Variants in USP17L7 observed in about 807,000 individuals in gnomAD.
USP17L7 encodes the protein inactive ubiquitin carboxyl-terminal hydrolase 17-like protein 7.
A neutral mutation model predicts 37.6 loss-of-function variants in USP17L7; 53 were observed. That is an observed-to-expected ratio of 1.41 (90% CI 1.13 to 1.77). The LOEUF (loss-of-function observed/expected upper bound fraction) is 1.77, where lower values mean the gene tolerates loss of function less well. Among genes scored for constraint, USP17L7 ranks in the 40% most tolerant of loss-of-function variants. USP17L7 has a pLI of 0.00. For missense variants in USP17L7, 914 were observed against 645.0 expected, an observed-to-expected ratio of 1.42 and a Z score of -4.52; for synonymous variants, 330 against 251.0, an observed-to-expected ratio of 1.31 and a Z score of -2.98.
At position 12,132,745 on chromosome 8, in the gene USP17L7, T is replaced by G. The variant is rs1345625910; in HGVS notation, c.1265A>C (p.Glu422Ala). The G allele has an allele frequency of 3.9e-6, 6 of 1,533,192 alleles. No homozygotes were observed. Among genetic ancestry groups the G allele is most frequent in the Middle Eastern group, 1.9e-4 (1 of 5,364 alleles). 95.0% of individuals were successfully genotyped at this position (1,533,192 alleles called of 1,614,324 possible). A position where few individuals can be genotyped will look rare whatever the true frequency, so the allele number is the denominator to read the frequency against. Residue 422 changes from glutamate (E) to alanine (A), a missense_variant, in exon 1 of 1, where the codon GAG becomes GCG. By Grantham distance (107) the Glu-to-Ala change is moderately radical (BLOSUM62 -1). Coordinates refer to ENST00000530447, the MANE Select transcript of USP17L7 (RefSeq NM_001256869.2). Reference protein sequence around the residue: ...HPCLQVPELDEHLVERATQES... With the variant: ...HPCLQVPELDAHLVERATQES... Reference sequence around the variant, plus strand: ...CTGAGTGGCTCTTTCCACCAAGTGCTCGTCCAACTCGGGTACCTGGAGGCA... The same window carrying G: ...CTGAGTGGCTCTTTCCACCAAGTGCGCGTCCAACTCGGGTACCTGGAGGCA...
In USP17L7 at chr8:12,133,881, G is replaced by T; in HGVS notation, c.129C>A (p.Leu43=). 7 of 1,508,134 alleles carry T rather than the reference G, an allele frequency of 4.6e-6. 1 individual carries two copies. The highest frequency in any genetic ancestry group is 6.3e-6 in the Non-Finnish European group (7 of 1,108,242). The allele number at this position is 1,508,134 out of a possible 1,614,324, so 93.4% of individuals were successfully genotyped here. A position where few individuals can be genotyped will look rare whatever the true frequency, so the allele number is the denominator to read the frequency against. ...AGAGGTCGAAACGGGTCTCAGATGA[G>T]AGTGGTGACTTTTCAGAGAGAGAAG... ...QRTSLSEKSP[L]SSETRFDLCD... The change falls in exon 1 of 1, where the codon CTC becomes CTA. Residue 43 remains leucine (L), a synonymous_variant. Coordinates refer to ENST00000530447, the MANE Select transcript of USP17L7 (RefSeq NM_001256869.2).
rs772141293 is a variant in USP17L7 at position 12,134,029 on chromosome 8, A to C, written c.-20T>G. On this transcript the variant is annotated 5_prime_UTR_variant, in exon 1 of 1. Coordinates refer to ENST00000530447, the MANE Select transcript of USP17L7 (RefSeq NM_001256869.2). ...TTCCATGTCGCCCGCAACAAGGATC[A>C]CAAGGTTTTTCTGCTGGGACCGCAG... 2.2e-5 allele frequency: 21 copies of C among 948,426 alleles called. No individual in the cohort carries two copies. Among genetic ancestry groups the C allele is most frequent in the Admixed American group, 1.2e-4 (7 of 56,616 alleles). The allele number at this position is 948,426 out of a possible 1,614,324, so 58.8% of individuals were successfully genotyped here.
rs746824423 is a variant in USP17L7 at position 12,134,032 on chromosome 8, A to G, written c.-23T>C. 2 of 934,638 alleles carry G rather than the reference A, an allele frequency of 2.1e-6. No individual in the cohort carries two copies. The highest frequency in any genetic ancestry group is 3.4e-6 in the Non-Finnish European group (2 of 589,694). 57.9% of individuals were successfully genotyped at this position (934,638 alleles called of 1,614,324 possible). On this transcript the variant is annotated 5_prime_UTR_variant, in exon 1 of 1. Coordinates refer to ENST00000530447, the MANE Select transcript of USP17L7 (RefSeq NM_001256869.2). The stretch of plus-strand genomic sequence containing the variant: ...CATGTCGCCCGCAACAAGGATCACA[A>G]GGTTTTTCTGCTGGGACCGCAGGTT...
In USP17L7 at chr8:12,133,729, G is replaced by A. The variant is rs1156699825; in HGVS notation, c.281C>T (p.Ser94Phe). 25 of 1,365,966 alleles carry A rather than the reference G, an allele frequency of 1.8e-5. No homozygotes were observed. The highest frequency in any genetic ancestry group is 2.4e-5 in the Non-Finnish European group (24 of 979,694). 84.6% of individuals were successfully genotyped at this position (1,365,966 alleles called of 1,614,324 possible). A position where few individuals can be genotyped will look rare whatever the true frequency, so the allele number is the denominator to read the frequency against. ...CAGTGTGTATGTCAGGCACTGCAGG[G>A]AAACGTTCACATAGAAGGTATTTCC... ...KIGNTFYVNV[S>F]LQCLTYTLPL... Residue 94 changes from serine to phenylalanine, a missense_variant, in exon 1 of 1, where the codon TCC becomes TTC. Ser to Phe is a radical substitution (Grantham distance 155). Coordinates refer to ENST00000530447, the MANE Select transcript of USP17L7 (RefSeq NM_001256869.2).
Position 12,133,038 on chromosome 8 carries a change from G to C in USP17L7, c.972C>G (p.Val324=). The C allele has an allele frequency of 6.6e-7, 1 of 1,523,224 alleles. No homozygotes were observed. Among genetic ancestry groups the C allele is most frequent in the East Asian group, 2.6e-5 (1 of 38,518 alleles). The allele number at this position is 1,523,224 out of a possible 1,614,324, so 94.4% of individuals were successfully genotyped here. Residue 324 remains valine (V), a synonymous_variant, in exon 1 of 1, where the codon GTC becomes GTG. Coordinates refer to ENST00000530447, the MANE Select transcript of USP17L7 (RefSeq NM_001256869.2). ...PLVYVLYAVL[V]HAGWSCHNGH... Reference sequence around the variant, plus strand: ...CGTTGTGACAACTCCACCCAGCGTGGACCAGCACAGCATAGAGGACATAGA... The same window carrying C: ...CGTTGTGACAACTCCACCCAGCGTGCACCAGCACAGCATAGAGGACATAGA...
rs535563714 is a variant in USP17L7, at chr8:12,132,966, T to C, written c.1044A>G (p.Lys348=). Residue 348 remains lysine (K), a synonymous_variant, in exon 1 of 1, where the codon AAA becomes AAG. Transcript: ENST00000530447. ...YVKAQEGQWY[K]MDDAEVTASG... ...AGGCAGTGACCTCGGCATCATCCAT[T>C]TTATACCACTGGCCTTCTTGAGCTT... The C allele has an allele frequency of 1.3e-6, 2 of 1,531,560 alleles. No individual in the cohort carries two copies. The highest frequency in any genetic ancestry group is 5.2e-5 in the East Asian group (2 of 38,642). The allele number at this position is 1,531,560 out of a possible 1,614,324, so 94.9% of individuals were successfully genotyped here.
Position 12,133,619 on chromosome 8 carries a change from G to A in USP17L7, c.391C>T (p.His131Tyr), listed in dbSNP as rs771370598. Residue 131 changes from histidine to tyrosine, a missense_variant, in exon 1 of 1, where the codon CAC (histidine) becomes TAC (tyrosine). Coordinates refer to ENST00000530447, the MANE Select transcript of USP17L7 (RefSeq NM_001256869.2). Reference sequence around the variant, plus strand: ...GGACTGTGGAGGGCCCATGTGATGTGAGCTTGCATAGTACAGAACATGCAG... The same window carrying A: ...GGACTGTGGAGGGCCCATGTGATGTAAGCTTGCATAGTACAGAACATGCAG... Reference protein sequence around the residue: ...KCCMFCTMQAHITWALHSPGH... With the variant: ...KCCMFCTMQAYITWALHSPGH... 12 of 1,243,830 alleles carry A rather than the reference G, an allele frequency of 9.6e-6. 1 individual carries two copies. The allele number at this position is 1,243,830 out of a possible 1,614,324, so 77.0% of individuals were successfully genotyped here. A position where few individuals can be genotyped will look rare whatever the true frequency, so the allele number is the denominator to read the frequency against.
Position 12,133,289 on chromosome 8 carries a change from C to G in USP17L7, c.721G>C (p.Val241Leu), listed in dbSNP as rs768875169. The change falls in exon 1 of 1, where the codon GTG (valine) becomes CTG (leucine). Residue 241 changes from valine (V) to leucine (L), a missense_variant. Val to Leu is a conservative substitution (Grantham distance 32). Coordinates refer to ENST00000530447, the MANE Select transcript of USP17L7 (RefSeq NM_001256869.2). ...QSVKQALEQL[V>L]KPKELNGENA... ...TCTCCATTGAGTTCTTTGGGCTTCA[C>G]CAACTGTTCCAAAGCTTGCTTGACA... 7 of 1,516,970 alleles carry G rather than the reference C, an allele frequency of 4.6e-6. 2 individuals are homozygous for G. In the Admixed American group the frequency reaches 1.0e-4, roughly 23 times the overall value. 94.0% of individuals were successfully genotyped at this position (1,516,970 alleles called of 1,614,324 possible).
Position 12,133,260 on chromosome 8 carries a change from A to G in USP17L7, c.750T>C (p.Asn250=), listed in dbSNP as rs753572049. 9 of 1,513,926 alleles carry G rather than the reference A, an allele frequency of 5.9e-6. 1 individual carries two copies. Among genetic ancestry groups the G allele is most frequent in the African/African-American group, 2.8e-5 (2 of 71,708 alleles). The allele number at this position is 1,513,926 out of a possible 1,614,324, so 93.8% of individuals were successfully genotyped here. A position where few individuals can be genotyped will look rare whatever the true frequency, so the allele number is the denominator to read the frequency against. The part of the protein sequence containing the change: ...LVKPKELNGE[N]AYHCGLCLQK... The stretch of plus-strand genomic sequence containing the variant: ...GGAGACAAAGACCACAATGATAGGC[A>G]TTCTCTCCATTGAGTTCTTTGGGCT... Residue 250 remains asparagine (N), a synonymous_variant, in exon 1 of 1, where the codon AAT becomes AAC. Transcript: ENST00000530447.
Position 12,132,858 on chromosome 8 carries a change from A to G in USP17L7, c.1152T>C (p.Ser384=). 1 of 1,497,596 alleles carries G rather than the reference A, an allele frequency of 6.7e-7. No individual in the cohort carries two copies. The highest frequency in any genetic ancestry group is 9.1e-7 in the Non-Finnish European group (1 of 1,097,182). The allele number at this position is 1,497,596 out of a possible 1,614,324, so 92.8% of individuals were successfully genotyped here. A position where few individuals can be genotyped will look rare whatever the true frequency, so the allele number is the denominator to read the frequency against. ...QKSEWERHSE[S]VSRGREPRAL... ...CTCTTGGTTCCCTGCCTCTTGACAC[A>G]CTCTCACTGTGTCTTTCCCATTCAC... Residue 384 remains serine, a synonymous_variant, in exon 1 of 1, where the codon AGT becomes AGC. Transcript: ENST00000530447.
chr8:12,133,794 G>C lies in USP17L7; in HGVS notation c.216C>G (p.Ser72Arg). The stretch of plus-strand genomic sequence containing the variant: ...CAGCCCCCACCGCAGCAGGTCTCCT[G>C]CTACTCAGAGGAAGCTTCTCCCTGG... ...LAPREKLPLS[S>R]RRPAAVGAGL... is the part of the protein sequence containing the mutation. The change falls in exon 1 of 1, where the codon AGC becomes AGG. Residue 72 changes from serine to arginine, a missense_variant. By Grantham distance (110) the Ser-to-Arg change is moderately radical. Coordinates refer to ENST00000530447, the MANE Select transcript of USP17L7 (RefSeq NM_001256869.2). 6.6e-7 allele frequency: 1 copy of C among 1,512,654 alleles called. No individual in the cohort carries two copies. 93.7% of individuals were successfully genotyped at this position (1,512,654 alleles called of 1,614,324 possible).
chr8:12,133,709 T>A lies in USP17L7; in HGVS notation c.301A>T (p.Thr101Ser). The A allele has an allele frequency of 1.5e-6, 2 of 1,301,016 alleles. No individual in the cohort carries two copies. Among genetic ancestry groups the A allele is most frequent in the Non-Finnish European group, 2.2e-6 (2 of 920,322 alleles). The allele number at this position is 1,301,016 out of a possible 1,614,324, so 80.6% of individuals were successfully genotyped here. Reference protein sequence around the residue: ...VNVSLQCLTYTLPLSNYMLSR... With the variant: ...VNVSLQCLTYSLPLSNYMLSR... ...AGCATGTAGTTGGAAAGCGGCAGTG[T>A]GTATGTCAGGCACTGCAGGGAAACG... Residue 101 changes from threonine to serine, a missense_variant, in exon 1 of 1, where the codon ACA (threonine) becomes TCA (serine). Thr to Ser is a moderately conservative substitution (Grantham distance 58). Coordinates refer to ENST00000530447, the MANE Select transcript of USP17L7 (RefSeq NM_001256869.2).
Position 12,133,859 on chromosome 8 carries a change from G to T in USP17L7, c.151C>A (p.Leu51Ile), listed in dbSNP as rs769194061. The T allele has an allele frequency of 2.6e-6, 4 of 1,523,092 alleles. No individual in the cohort carries two copies. Among genetic ancestry groups the T allele is most frequent in the Non-Finnish European group, 3.6e-6 (4 of 1,121,706 alleles). 94.3% of individuals were successfully genotyped at this position (1,523,092 alleles called of 1,614,324 possible). Residue 51 changes from leucine (L) to isoleucine (I), a missense_variant, in exon 1 of 1, where the codon CTC becomes ATC. Physicochemically the swap from Leu to Ile is conservative, Grantham distance 5 (BLOSUM62 2). Transcript: ENST00000530447. ...SPLSSETRFD[L>I]CDDLAPVARQ... Reference sequence around the variant, plus strand: ...GCCACAGGAGCCAAATCATCACAGAGGTCGAAACGGGTCTCAGATGAGAGT... The same window carrying T: ...GCCACAGGAGCCAAATCATCACAGATGTCGAAACGGGTCTCAGATGAGAGT...
chr8:12,133,660 C>T lies in USP17L7; in HGVS notation c.350G>A (p.Cys117Tyr), dbSNP rs575948213. 4.9e-6 allele frequency: 6 copies of T among 1,233,970 alleles called. No individual in the cohort carries two copies. The highest frequency in any genetic ancestry group is 1.4e-5 in the South Asian group (1 of 74,052). The allele number at this position is 1,233,970 out of a possible 1,614,324, so 76.4% of individuals were successfully genotyped here. A position where few individuals can be genotyped will look rare whatever the true frequency, so the allele number is the denominator to read the frequency against. ...YMLSREDSQT[C>Y]HLHKCCMFCT... The stretch of plus-strand genomic sequence containing the variant: ...GAACATGCAGCACTTGTGAAGATGA[C>T]ACGTTTGAGAGTCCTCCCGGGACAG... Residue 117 changes from cysteine (C) to tyrosine (Y), a missense_variant, in exon 1 of 1, where the codon TGT (cysteine) becomes TAT (tyrosine). By Grantham distance (194) the Cys-to-Tyr change is radical. Transcript: ENST00000530447.
chr8:12,133,165 C>G lies in USP17L7; in HGVS notation c.845G>C (p.Arg282Thr), dbSNP rs769225504. The change falls in exon 1 of 1, where the codon AGA becomes ACA. Residue 282 changes from arginine (R) to threonine (T), a missense_variant. Transcript: ENST00000530447. ...TTTGTTGCCTGTGACATCGGAGAAT[C>G]TCTTCAATACAAGAATGAGGACCTT... ...SAKVLILVLKRFSDVTGNKLA... is the reference protein window; with the variant it reads ...SAKVLILVLKTFSDVTGNKLA... The G allele has an allele frequency of 1.3e-6, 2 of 1,510,396 alleles. No homozygotes were observed. Among genetic ancestry groups the G allele is most frequent in the Non-Finnish European group, 1.8e-6 (2 of 1,109,754 alleles). 93.6% of individuals were successfully genotyped at this position (1,510,396 alleles called of 1,614,324 possible). A position where few individuals can be genotyped will look rare whatever the true frequency, so the allele number is the denominator to read the frequency against.
chr8:12,133,175 C>G lies in USP17L7; in HGVS notation c.835G>C (p.Val279Leu), dbSNP rs1390019573. ...GTGACATCGGAGAATCTCTTCAATA[C>G]AAGAATGAGGACCTTGGCAGAAGTG... ...LPTSAKVLIL[V>L]LKRFSDVTGN... The change falls in exon 1 of 1, where the codon GTA (valine) becomes CTA (leucine). Residue 279 changes from valine to leucine, a missense_variant. Transcript: ENST00000530447. 1.3e-6 allele frequency: 2 copies of G among 1,511,672 alleles called. No homozygotes were observed. The highest frequency in any genetic ancestry group is 1.8e-6 in the Non-Finnish European group (2 of 1,111,040). 93.6% of individuals were successfully genotyped at this position (1,511,672 alleles called of 1,614,324 possible). A position where few individuals can be genotyped will look rare whatever the true frequency, so the allele number is the denominator to read the frequency against.
In USP17L7 at chr8:12,132,842, C is replaced by T. The variant is rs1443357315; in HGVS notation, c.1168G>A (p.Glu390Lys). The T allele has an allele frequency of 1.3e-6, 2 of 1,513,118 alleles. 1 individual carries two copies. Among genetic ancestry groups the T allele is most frequent in the Non-Finnish European group, 1.8e-6 (2 of 1,110,690 alleles). The allele number at this position is 1,513,118 out of a possible 1,614,324, so 93.7% of individuals were successfully genotyped here. The part of the protein sequence containing the change: ...RHSESVSRGR[E>K]PRALGAEDTD... ...TCTTCAGCACCAAGGGCTCTTGGTT[C>T]CCTGCCTCTTGACACACTCTCACTG... Residue 390 changes from glutamate to lysine, a missense_variant, in exon 1 of 1, where the codon GAA becomes AAA. By Grantham distance (56) the Glu-to-Lys change is moderately conservative (BLOSUM62 1). Coordinates refer to ENST00000530447, the MANE Select transcript of USP17L7 (RefSeq NM_001256869.2).
rs1454184049 is a variant in USP17L7, at chr8:12,133,978, T to C, written c.32A>G (p.Asp11Gly). 1.7e-6 allele frequency: 2 copies of C among 1,148,526 alleles called. No individual in the cohort carries two copies. The highest frequency in any genetic ancestry group is 2.6e-6 in the Non-Finnish European group (2 of 783,724). The allele number at this position is 1,148,526 out of a possible 1,614,324, so 71.1% of individuals were successfully genotyped here. A position where few individuals can be genotyped will look rare whatever the true frequency, so the allele number is the denominator to read the frequency against. MEDDSLYLGGDWQFNHFSKLT... is the reference protein window; with the variant it reads MEDDSLYLGGGWQFNHFSKLT... ...TTTTGAAAAGTGATTGAACTGCCAG[T>C]CACCTCCCAAATAGAGTGAGTCGTC... Residue 11 changes from aspartate (D) to glycine (G), a missense_variant, in exon 1 of 1, where the codon GAC (aspartate) becomes GGC (glycine). Asp to Gly is a moderately conservative substitution (Grantham distance 94, BLOSUM62 -1). Coordinates refer to ENST00000530447, the MANE Select transcript of USP17L7 (RefSeq NM_001256869.2).
rs1803063590 is a variant in USP17L7, at chr8:12,133,848, A to G, written c.162T>C (p.Asp54=). ...CAAGCTGTCTTGCCACAGGAGCCAA[A>G]TCATCACAGAGGTCGAAACGGGTCT... ...SSETRFDLCD[D]LAPVARQLAP... The change falls in exon 1 of 1, where the codon GAT becomes GAC. Residue 54 remains aspartate (D), a synonymous_variant. Coordinates refer to ENST00000530447, the MANE Select transcript of USP17L7 (RefSeq NM_001256869.2). 6.5e-7 allele frequency: 1 copy of G among 1,526,926 alleles called. No individual in the cohort carries two copies. The highest frequency in any genetic ancestry group is 1.4e-5 in the African/African-American group (1 of 71,822). 94.6% of individuals were successfully genotyped at this position (1,526,926 alleles called of 1,614,324 possible). A position where few individuals can be genotyped will look rare whatever the true frequency, so the allele number is the denominator to read the frequency against.
Sources: allele counts gnomAD v4.1 joint callset, GRCh38; gene constraint gnomAD v4.1.1; transcripts MANE v1.5; gene names NCBI Gene and HGNC (gene_info 2026-07-23, HGNC 2026-07-21).